FYN: variants seen among roughly 807,000 people sequenced by gnomAD.
The protein encoded by FYN is tyrosine-protein kinase Fyn.
A neutral mutation model predicts 70.2 loss-of-function variants in FYN; 10 were observed. The observed-to-expected ratio is 0.14, with a 90% CI of 0.09 to 0.24. FYN has a LOEUF of 0.24. FYN is among the 10% of genes least tolerant of loss of function. The probability of loss-of-function intolerance (pLI) is 1.00; values close to 1 mark genes in which losing one functional copy is unlikely to be tolerated. For missense variants in FYN, 319 were observed against 673.1 expected (o/e 0.47, Z 5.82); for synonymous variants, 236 against 248.6 (o/e 0.95, Z 0.48).
intron 3 of FYN, among the ~76,000 whole-genome samples, chr6:111,780,131 G>C (rs946568743): frequency 6.6e-6 from 1 of 152,168 alleles, no homozygotes; most frequent in African/African-American, 2.4e-5. Context: ...AGGCAAGCTG[G>C]ACTTGTAGCT....
At chr6:111,723,732 C>T (rs190341127) in intron 3 of FYN, among the ~76,000 whole-genome samples, 154 of 152,332 alleles carry the variant, frequency 1.0e-3, no homozygotes, top group Non-Finnish European at 1.9e-3. Flanking sequence ...ATCATTCATG[C>T]TAAAATAAAA....
rs1405507755 is a variant in FYN, at chr6:111,760,622, G to A, written c.-12+19944C>T. 3.3e-5 allele frequency among the ~76,000 whole-genome samples: 5 copies of A among 152,326 alleles called. No individual in the cohort carries two copies. In the East Asian group the frequency reaches 5.8e-4, roughly 18 times the overall value. On this transcript the variant is annotated intron_variant, in intron 3 of 13. Coordinates refer to ENST00000354650, the MANE Select transcript of FYN (RefSeq NM_002037.5). Reference sequence around the variant, plus strand: ...TGTGTGGGCAGGAATGCTGCAGCGCGCTCCTCACACAAAGAAGCCCATGGG... The same window carrying A: ...TGTGTGGGCAGGAATGCTGCAGCGCACTCCTCACACAAAGAAGCCCATGGG...
At chr6:111,842,304 A>G (rs1051691821) in intron 2 of FYN, among the ~76,000 whole-genome samples, 1 of 152,192 alleles carries the variant, frequency 6.6e-6, no homozygotes, top group African/African-American at 2.4e-5. Context: ...CCGTCTGCAC[A>G]TAGGAACTGC....
chr6:111,720,605 G>A (rs1268049867), intron 3 of FYN, among the ~76,000 whole-genome samples: 2 of 152,102 alleles, frequency 1.3e-5, no homozygotes, highest in African/African-American at 4.8e-5. Flanking sequence ...TCAATTTTAA[G>A]CACTAAGATG....
chr6:111,669,438 CAAAA>C (rs10690295), intron 13 of FYN, among the ~76,000 whole-genome samples: 303 of 56,846 alleles, frequency 5.3e-3, no homozygotes, highest in African/African-American at 0.019. Flanking sequence ...CCATCCATCT[CAAAA>C]AAAAAAAAAA....
intron 12 of FYN, among the ~76,000 whole-genome samples, chr6:111,685,184 G>A (rs528655969): frequency 2.0e-5 from 3 of 152,324 alleles, no homozygotes; most frequent in South Asian, 4.1e-4. Context: ...AGTGATCAAC[G>A]GATGTGTGGG....
intron 13 of FYN, among the ~76,000 whole-genome samples, chr6:111,671,316 A>G (rs1363953454): frequency 6.6e-6 from 1 of 152,064 alleles, no homozygotes; most frequent in Non-Finnish European, 1.5e-5. Flanking sequence ...CACACCTCAC[A>G]TACTCCACTC....
At chr6:111,739,564 A>G (rs946856472) in intron 3 of FYN, among the ~76,000 whole-genome samples, 1 of 152,158 alleles carries the variant, frequency 6.6e-6, no homozygotes, top group Non-Finnish European at 1.5e-5. Context: ...TGTGGGAGAG[A>G]AACAGAAGTG....
intron 5 of FYN, chr6:111,708,353 C>G: frequency 3.5e-6 from 1 of 282,030 alleles, no homozygotes; most frequent in Non-Finnish European, 7.0e-6. Flanking sequence ...CCAGCCTCAG[C>G]CTAATTAAGC....
At chr6:111,744,283 G>C (rs1340242741) in intron 3 of FYN, among the ~76,000 whole-genome samples, 1 of 152,260 alleles carries the variant, frequency 6.6e-6, no homozygotes, top group Non-Finnish European at 1.5e-5. Context: ...TCCTAGCAGA[G>C]ATTTCAGAAA....
In FYN at chr6:111,822,554, A is replaced by C. The variant is rs564636104; in HGVS notation, c.-82+24035T>G. On this transcript the variant is annotated intron_variant, in intron 2 of 13. Transcript: ENST00000354650. Reference sequence around the variant, plus strand: ...AAATGATGAGTTAATGGGTGCAGCAAACCAACATGGCACATGTATACATAT... The same window carrying C: ...AAATGATGAGTTAATGGGTGCAGCACACCAACATGGCACATGTATACATAT... 3.1e-3 allele frequency among the ~76,000 whole-genome samples: 467 copies of C among 152,110 alleles called. 1 individual carries two copies. The highest frequency in any genetic ancestry group is 0.011 in the African/African-American group (438 of 41,490).
intron 3 of FYN, among the ~76,000 whole-genome samples, chr6:111,779,374 A>G (rs1771084323): frequency 1.3e-5 from 2 of 152,178 alleles, no homozygotes; most frequent in African/African-American, 4.8e-5. Flanking sequence ...AAGGCTACGT[A>G]ATAAGCATAG....
At chr6:111,740,860 CCT>C (rs1301921758) in intron 3 of FYN, 1 of 152,160 alleles carries the variant, frequency 6.6e-6, no homozygotes, top group East Asian at 1.9e-4. Context: ...AAAGGTTTTT[CCT>C]CTTTGGGAGG....
In FYN at chr6:111,660,739, G is replaced by GC. The variant is rs1797703329; in HGVS notation, c.*999dup. The GC allele has an allele frequency of 6.6e-6, 1 of 152,182 alleles. No individual in the cohort carries two copies. The highest frequency in any genetic ancestry group is 2.4e-5 in the African/African-American group (1 of 41,446). The allele number at this position is 152,182 out of a possible 1,614,324, so 9.4% of individuals were successfully genotyped here. A position where few individuals can be genotyped will look rare whatever the true frequency, so the allele number is the denominator to read the frequency against. On this transcript the variant is annotated 3_prime_UTR_variant, in exon 14 of 14. Transcript: ENST00000354650. Reference sequence around the variant, plus strand: ...GTTGCATGAGAAAGTTTAGCGGGTTGCCATGACTACAATGCTATGGGTTTT... The same window carrying GC: ...GTTGCATGAGAAAGTTTAGCGGGTTGCCCATGACTACAATGCTATGGGTTTT...
At chr6:111,764,342 G>A (rs1170003590) in intron 3 of FYN, among the ~76,000 whole-genome samples, 1 of 152,036 alleles carries the variant, frequency 6.6e-6, no homozygotes, top group Admixed American at 6.6e-5. Context: ...TACTGGTGCA[G>A]GGTTGGGGGC....
intron 2 of FYN, among the ~76,000 whole-genome samples, chr6:111,804,789 A>G: frequency 6.6e-6 from 1 of 152,224 alleles, no homozygotes; most frequent in East Asian, 1.9e-4. Flanking sequence ...GGCTTTAATA[A>G]GAATCTGCTA....
At chr6:111,809,082 G>T (rs970076603) in intron 2 of FYN, among the ~76,000 whole-genome samples, 2 of 152,132 alleles carry the variant, frequency 1.3e-5, no homozygotes, top group African/African-American at 4.8e-5. Context: ...TTTTAAAATG[G>T]AAAGATACTA....
chr6:111,801,954 G>C (rs780728581), intron 2 of FYN, among the ~76,000 whole-genome samples: 2 of 152,370 alleles, frequency 1.3e-5, no homozygotes, highest in South Asian at 4.1e-4. Flanking sequence ...GAAGGGAATA[G>C]AGAAGCACCA....
chr6:111,743,430 A>G (rs944773916), intron 3 of FYN, among the ~76,000 whole-genome samples: 7 of 152,236 alleles, frequency 4.6e-5, no homozygotes, highest in Admixed American at 2.0e-4. Context: ...GTTTTACATG[A>G]AAATAAAATG....
Sources: gnomAD v4.1 joint callset for allele counts (sites outside exome capture counted in the v4.1 genomes callset) on GRCh38, gnomAD v4.1.1 for gene constraint, MANE v1.5 for transcripts, NCBI Gene and HGNC (gene_info 2026-07-23, HGNC 2026-07-21) for gene names.